CSMD1: variants seen among roughly 807,000 people sequenced by gnomAD.
CSMD1 encodes the protein CUB and Sushi multiple domains 1.
CSMD1 carries 213 observed loss-of-function variants against 417.5 expected under a neutral mutation model. That is an observed-to-expected ratio of 0.51 (90% CI 0.46 to 0.57). The LOEUF is 0.57. Among genes scored for constraint, CSMD1 ranks in the 20% least tolerant of loss-of-function variants. CSMD1 has a pLI of 0.00. For missense variants in CSMD1, 6,923 were observed against 4,529.7 expected (o/e 1.53, Z -15.17); for synonymous variants, 2,862 against 1,736.8 (o/e 1.65, Z -16.11).
intron 12 of CSMD1, among the ~76,000 whole-genome samples, chr8:3,416,723 A>G (rs1813174786): frequency 6.6e-6 from 1 of 152,302 alleles, no homozygotes; most frequent in Non-Finnish European, 1.5e-5. Context: ...CAGGCAAGGC[A>G]GCACTGTACA....
At chr8:4,928,654 T>A (rs983168877) in intron 1 of CSMD1, among the ~76,000 whole-genome samples, 1 of 152,184 alleles carries the variant, frequency 6.6e-6, no homozygotes, top group African/African-American at 2.4e-5. Flanking sequence ...AGGAATTCAT[T>A]GTTACTCAGG....
In CSMD1 at chr8:3,160,538, G is replaced by A. The variant is rs374084716; in HGVS notation, c.5844+1621C>T. Among the ~76,000 whole-genome samples, 286 of 152,260 alleles carry A rather than the reference G, an allele frequency of 1.9e-3. 1 individual carries two copies. Among genetic ancestry groups the A allele is most frequent in the African/African-American group, 6.7e-3 (279 of 41,548 alleles). On this transcript the variant is annotated intron_variant, in intron 38 of 69. Coordinates refer to ENST00000635120, the MANE Select transcript of CSMD1 (RefSeq NM_033225.6). ...CTTACTGAGGTATCCCAACTTTCAG[G>A]AGTCCTTACTCACCAGTTTCCACTA...
chr8:3,959,220 C>A (rs1352290124), intron 5 of CSMD1, among the ~76,000 whole-genome samples: 1 of 152,216 alleles, frequency 6.6e-6, no homozygotes, highest in Non-Finnish European at 1.5e-5. Flanking sequence ...AGTTTCTAGA[C>A]AGAGCAGGGT....
chr8:3,588,797 G>A (rs189850620), intron 8 of CSMD1, among the ~76,000 whole-genome samples: 84 of 152,212 alleles, frequency 5.5e-4, no homozygotes, highest in African/African-American at 1.9e-3. Flanking sequence ...GAGACACCCT[G>A]CAGAATGGGA....
At chr8:4,253,610 C>G (rs1397376121) in intron 3 of CSMD1, among the ~76,000 whole-genome samples, 8 of 152,078 alleles carry the variant, frequency 5.3e-5, no homozygotes, top group African/African-American at 1.7e-4. Context: ...AAGTATCTGT[C>G]AAGTAAAAGA....
At chr8:3,489,469 C>T (rs977468164) in intron 11 of CSMD1, among the ~76,000 whole-genome samples, 10 of 152,156 alleles carry the variant, frequency 6.6e-5, no homozygotes, top group African/African-American at 2.4e-4. Context: ...AGAGGGAATC[C>T]AGGGAAGGCC....
chr8:3,529,408 G>A lies in CSMD1; in HGVS notation c.1345-35682C>T, dbSNP rs146044704. ...TAATTGACTATATTGAAGGAGATGG[G>A]GGGTTGATACATGAGGAATTCAGCA... On this transcript the variant is annotated intron_variant, in intron 10 of 69. Transcript: ENST00000635120. Among the ~76,000 whole-genome samples, 337 of 152,184 alleles carry A rather than the reference G, an allele frequency of 2.2e-3. 2 individuals carry two copies. Among genetic ancestry groups the A allele is most frequent in the African/African-American group, 7.8e-3 (325 of 41,522 alleles).
intron 5 of CSMD1, among the ~76,000 whole-genome samples, chr8:3,935,480 A>T (rs1274768295): frequency 1.3e-5 from 2 of 152,180 alleles, no homozygotes; most frequent in Admixed American, 6.6e-5. Context: ...TGGTGTCATT[A>T]TTCCAATTGC....
intron 46 of CSMD1, among the ~76,000 whole-genome samples, chr8:3,105,331 G>C (rs1816060112): frequency 6.6e-6 from 1 of 152,166 alleles, no homozygotes; most frequent in African/African-American, 2.4e-5. Context: ...AATGACAATA[G>C]TTGGATTCCT....
chr8:3,256,324 AAGAG>A (rs1443949887), intron 26 of CSMD1, among the ~76,000 whole-genome samples: 1 of 55,750 alleles, frequency 1.8e-5, no homozygotes, highest in African/African-American at 6.4e-5. Context: ...AAAAAAAAAA[AAGAG>A]AAGAAAGGAA....
chr8:3,262,530 G>A (rs576075428), intron 26 of CSMD1, among the ~76,000 whole-genome samples: 4 of 150,600 alleles, frequency 2.7e-5, no homozygotes, highest in Admixed American at 6.6e-5. Flanking sequence ...CTATTACTTC[G>A]GGCCAAATGA....
At chr8:3,280,478 A>G (rs751236466) in intron 26 of CSMD1, among the ~76,000 whole-genome samples, 9 of 152,148 alleles carry the variant, frequency 5.9e-5, no homozygotes, top group Non-Finnish European at 8.8e-5. Context: ...TCTAAAGACA[A>G]TCTTGCAGAA....
intron 3 of CSMD1, among the ~76,000 whole-genome samples, chr8:4,074,609 G>A (rs761235699): frequency 4.6e-5 from 7 of 152,032 alleles, no homozygotes; most frequent in Non-Finnish European, 7.4e-5. Flanking sequence ...TCAAACTACT[G>A]TCCTACATTT....
At chr8:4,228,990 A>G (rs1801538301) in intron 3 of CSMD1, among the ~76,000 whole-genome samples, 2 of 152,096 alleles carry the variant, frequency 1.3e-5, no homozygotes, top group African/African-American at 4.8e-5. Flanking sequence ...TTAAAGCGCG[A>G]ACCTGGACTT....
intron 23 of CSMD1, among the ~76,000 whole-genome samples, chr8:3,322,265 C>T (rs932278571): frequency 1.3e-5 from 2 of 152,086 alleles, no homozygotes; most frequent in Non-Finnish European, 2.9e-5. Context: ...CCTGATGAAT[C>T]ATTTTATTTT....
At chr8:4,456,535 G>C (rs1034024377) in intron 2 of CSMD1, among the ~76,000 whole-genome samples, 1 of 152,182 alleles carries the variant, frequency 6.6e-6, no homozygotes, top group Non-Finnish European at 1.5e-5. Flanking sequence ...TGGCACTTCA[G>C]TAGTGACACC....
In CSMD1 at chr8:3,503,919, C is replaced by T. The variant is rs560737090; in HGVS notation, c.1345-10193G>A. Among the ~76,000 whole-genome samples, 153 of 149,762 alleles carry T rather than the reference C, an allele frequency of 1.0e-3. 1 individual carries two copies. Among genetic ancestry groups the T allele is most frequent in the African/African-American group, 3.4e-3 (140 of 41,020 alleles). On this transcript the variant is annotated intron_variant, in intron 10 of 69. Transcript: ENST00000635120. ...GGATGAGATCAACTTTTTAAACTTCCACATGAGTGAGAATATGGAGGCGGG... is the reference window on the plus strand; with the variant it reads ...GGATGAGATCAACTTTTTAAACTTCTACATGAGTGAGAATATGGAGGCGGG...
At chr8:3,418,046 C>T (rs988164331) in intron 12 of CSMD1, among the ~76,000 whole-genome samples, 1 of 152,112 alleles carries the variant, frequency 6.6e-6, no homozygotes, top group African/African-American at 2.4e-5. Flanking sequence ...GATGTGTGAT[C>T]GTGCTTAATT....
intron 26 of CSMD1, among the ~76,000 whole-genome samples, chr8:3,264,863 G>GGT (rs143841460): frequency 0.34 from 51,048 of 151,670 alleles, 8,638 homozygotes; most frequent in South Asian, 0.36. Flanking sequence ...GCTGTGTGTG[G>GGT]GTGTGTGTGG....
Sources: allele counts gnomAD v4.1 joint callset (sites outside exome capture counted in the v4.1 genomes callset), GRCh38; gene constraint gnomAD v4.1.1; transcripts MANE v1.5; gene names NCBI Gene and HGNC (gene_info 2026-07-23, HGNC 2026-07-21).